The following WWOX variants were observed in gnomAD, a reference collection of about 807,000 sequenced individuals.
The protein encoded by WWOX is WW domain containing oxidoreductase.
In WWOX, 69 loss-of-function variants were observed where a neutral mutation model predicts 46.2. The observed-to-expected ratio is 1.49, with a 90% CI of 1.23 to 1.82. The LOEUF (loss-of-function observed/expected upper bound fraction) is 1.82, where lower values mean the gene tolerates loss of function less well. WWOX is among the 40% of genes most tolerant of loss of function. The pLI is 0.00. For missense variants in WWOX, 919 were observed against 542.6 expected (o/e 1.69, Z -6.89); for synonymous variants, 359 against 202.6 (o/e 1.77, Z -6.56).
intron 8 of WWOX, among the ~76,000 whole-genome samples, chr16:78,555,304 G>A (rs2044268599): frequency 2.0e-5 from 3 of 152,028 alleles, no homozygotes; most frequent in Admixed American, 1.3e-4. Context: ...AAAGGGAAAG[G>A]TACTCTTTTT....
At chr16:78,945,297 T>G (rs1344775616) in intron 8 of WWOX, among the ~76,000 whole-genome samples, 1 of 152,214 alleles carries the variant, frequency 6.6e-6, no homozygotes, top group African/African-American at 2.4e-5. Flanking sequence ...AAGCACGATT[T>G]GAGTTGAGCA....
chr16:78,374,738 G>C (rs895309300), intron 5 of WWOX, among the ~76,000 whole-genome samples: 4 of 151,890 alleles, frequency 2.6e-5, no homozygotes, highest in African/African-American at 9.7e-5. Context: ...TATTAGTAGA[G>C]ATGGGGTTTC....
At chr16:78,449,365 G>A (rs749727760) in intron 8 of WWOX, among the ~76,000 whole-genome samples, 3 of 151,866 alleles carry the variant, frequency 2.0e-5, no homozygotes, top group Admixed American at 6.6e-5. Flanking sequence ...GAGTCTGATC[G>A]TTGTTAAAGG....
At chr16:78,542,154 C>G (rs977880472) in intron 8 of WWOX, among the ~76,000 whole-genome samples, 1 of 145,370 alleles carries the variant, frequency 6.9e-6, no homozygotes, top group African/African-American at 2.4e-5. Context: ...CTAGACATCT[C>G]AGGATTTGAA....
chr16:78,231,123 T>G (rs2037248942), intron 5 of WWOX, among the ~76,000 whole-genome samples: 1 of 152,244 alleles, frequency 6.6e-6, no homozygotes. Flanking sequence ...TCTCTTTGTT[T>G]GGTTTTGCTT....
In WWOX at chr16:79,157,052, G is replaced by C. The variant is rs140941178; in HGVS notation, c.1057-54556G>C. Among the ~76,000 whole-genome samples, 15 of 152,304 alleles carry C rather than the reference G, an allele frequency of 9.8e-5. No individual in the cohort carries two copies. The East Asian group carries it at 2.7e-3, about 27-fold the overall frequency. On this transcript the variant is annotated intron_variant, in intron 8 of 8. Transcript: ENST00000566780. ...TAAAATGGCCCTGGCCATTCCTTTA[G>C]ACATTTTGTTTGTACTTATATTAAC...
intron 8 of WWOX, among the ~76,000 whole-genome samples, chr16:78,653,585 G>T (rs375138388): frequency 6.6e-6 from 1 of 152,246 alleles, no homozygotes; most frequent in African/African-American, 2.4e-5. Context: ...GGACACTGGC[G>T]CAGCCTGGAC....
chr16:78,948,497 C>T (rs1054884946), intron 8 of WWOX, among the ~76,000 whole-genome samples: 1 of 152,116 alleles, frequency 6.6e-6, no homozygotes, highest in Non-Finnish European at 1.5e-5. Flanking sequence ...CTCCCGTTTC[C>T]TGAAAGGCAC....
intron 5 of WWOX, among the ~76,000 whole-genome samples, chr16:78,262,385 G>C (rs922096210): frequency 2.6e-5 from 4 of 152,124 alleles, no homozygotes; most frequent in Non-Finnish European, 5.9e-5. Context: ...GTCTACATTT[G>C]CTCTCAAGGG....
intron 8 of WWOX, among the ~76,000 whole-genome samples, chr16:79,114,552 G>A (rs1473718909): frequency 6.6e-6 from 1 of 151,970 alleles, no homozygotes; most frequent in East Asian, 2.0e-4. Flanking sequence ...CCAGGAGCTG[G>A]AAGTGGCAAG....
At chr16:79,054,619 C>G (rs374480073) in intron 8 of WWOX, among the ~76,000 whole-genome samples, 46 of 152,216 alleles carry the variant, frequency 3.0e-4, no homozygotes, top group East Asian at 2.9e-3. Flanking sequence ...TCCAGGAGTT[C>G]AGGACCATCC....
intron 4 of WWOX, among the ~76,000 whole-genome samples, chr16:78,128,789 C>G (rs2033467002): frequency 6.6e-6 from 1 of 152,312 alleles, no homozygotes; most frequent in Non-Finnish European, 1.5e-5. Flanking sequence ...ATAATGTCTT[C>G]CAACTGCCTT....
chr16:78,477,619 T>C (rs866399956), intron 8 of WWOX, among the ~76,000 whole-genome samples: 1 of 152,222 alleles, frequency 6.6e-6, no homozygotes, highest in African/African-American at 2.4e-5. Context: ...ATTTTATTTT[T>C]TTTCAATTTG....
chr16:78,854,124 C>A (rs1194929095), intron 8 of WWOX, among the ~76,000 whole-genome samples: 1 of 151,968 alleles, frequency 6.6e-6, no homozygotes, highest in East Asian at 1.9e-4. Flanking sequence ...GTGACTTTGC[C>A]GAACAGTTAT....
At chr16:78,855,657 T>G (rs536502092) in intron 8 of WWOX, among the ~76,000 whole-genome samples, 15 of 152,352 alleles carry the variant, frequency 9.8e-5, no homozygotes, top group African/African-American at 3.6e-4. Flanking sequence ...TCTCCCAGTT[T>G]CCAGCCTGTA....
chr16:78,255,572 C>T (rs1891089478), intron 5 of WWOX, among the ~76,000 whole-genome samples: 1 of 152,106 alleles, frequency 6.6e-6, no homozygotes, highest in African/African-American at 2.4e-5. Flanking sequence ...GTTTACTCTC[C>T]TGATGTCTTT....
At chr16:78,616,179 T>C (rs2046019903) in intron 8 of WWOX, among the ~76,000 whole-genome samples, 1 of 152,068 alleles carries the variant, frequency 6.6e-6, no homozygotes, top group Non-Finnish European at 1.5e-5. Context: ...GCCATGTGTA[T>C]GCATTCCCAC....
At chr16:78,952,046 A>G (rs1359556869) in intron 8 of WWOX, among the ~76,000 whole-genome samples, 1 of 152,176 alleles carries the variant, frequency 6.6e-6, no homozygotes, top group African/African-American at 2.4e-5. Flanking sequence ...TCTGTAGGGT[A>G]AAGACAGACC....
At chr16:78,185,881 G>T (rs2035685509) in intron 5 of WWOX, among the ~76,000 whole-genome samples, 1 of 152,126 alleles carries the variant, frequency 6.6e-6, no homozygotes, top group Admixed American at 6.6e-5. Context: ...GGCCAGGCTG[G>T]TCTTGAACTC....
Sources: gnomAD v4.1 joint callset for allele counts (sites outside exome capture counted in the v4.1 genomes callset) on GRCh38, gnomAD v4.1.1 for gene constraint, MANE v1.5 for transcripts, NCBI Gene and HGNC (gene_info 2026-07-23, HGNC 2026-07-21) for gene names.